Variants in PTPN21 observed in about 807,000 individuals in gnomAD.
PTPN21 encodes the protein protein tyrosine phosphatase non-receptor type 21, also known as tyrosine-protein phosphatase non-receptor type 21.
A neutral mutation model predicts 131.8 loss-of-function variants in PTPN21; 77 were observed. The observed-to-expected ratio is 0.58, with a 90% CI of 0.49 to 0.71. PTPN21 has a LOEUF of 0.71. Among genes scored for constraint, PTPN21 ranks in the 30% least tolerant of loss-of-function variants. The probability of loss-of-function intolerance (pLI) is 0.00; values close to 1 mark genes in which losing one functional copy is unlikely to be tolerated. For missense variants in PTPN21, 1,552 were observed against 1,527.1 expected (o/e 1.02, Z -0.27); for synonymous variants, 715 against 621.3 (o/e 1.15, Z -2.24).
In PTPN21 at chr14:88,495,013, CAAAAAA is replaced by C. The variant is rs386382090; in HGVS notation, c.932+1394_932+1399del. ...GGGTGACAGAGCGAGACTCTGTCTC[CAAAAAA>C]AAAAAAAAAAAAAAAAAAAAGAAGA... On this transcript the variant is annotated intron_variant, in intron 10 of 18. Transcript: ENST00000556564. Among the ~76,000 whole-genome samples the C allele has an allele frequency of 1.1e-3, 56 of 49,184 alleles. No individual in the cohort carries two copies. The South Asian group carries it at 0.018, about 16-fold the overall frequency. The allele number at this position is 49,184 out of a possible 152,430, so 32.3% of individuals were successfully genotyped here. A position where few individuals can be genotyped will look rare whatever the true frequency, so the allele number is the denominator to read the frequency against.
At chr14:88,523,067 GA>G (rs1421283332) in intron 2 of PTPN21, among the ~76,000 whole-genome samples, 1 of 151,852 alleles carries the variant, frequency 6.6e-6, no homozygotes, top group Non-Finnish European at 1.5e-5. Flanking sequence ...GAAAATCAAG[GA>G]AAAGGAGAGA....
At chr14:88,538,597 T>C (rs1401236576) in intron 2 of PTPN21, among the ~76,000 whole-genome samples, 3 of 152,180 alleles carry the variant, frequency 2.0e-5, no homozygotes, top group African/African-American at 4.8e-5. Flanking sequence ...AATTAAATGA[T>C]AACAAATATC....
intron 2 of PTPN21, among the ~76,000 whole-genome samples, chr14:88,544,413 G>C (rs2078747037): frequency 6.6e-6 from 1 of 152,048 alleles, no homozygotes; most frequent in African/African-American, 2.4e-5. Flanking sequence ...ACAGGGGATA[G>C]GAGTCACTAA....
At chr14:88,534,348 A>AC (rs973602827) in intron 2 of PTPN21, among the ~76,000 whole-genome samples, 1 of 151,738 alleles carries the variant, frequency 6.6e-6, no homozygotes, top group African/African-American at 2.4e-5. Flanking sequence ...ACGCAACTGT[A>AC]CCCCAGCCTG....
intron 2 of PTPN21, among the ~76,000 whole-genome samples, chr14:88,549,438 T>G (rs1010766411): frequency 2.0e-5 from 3 of 152,126 alleles, no homozygotes; most frequent in Non-Finnish European, 4.4e-5. Flanking sequence ...TTAGTTCTTA[T>G]AGGGCACCCC....
At chr14:88,526,596 A>G (rs1340260609) in intron 2 of PTPN21, among the ~76,000 whole-genome samples, 2 of 148,272 alleles carry the variant, frequency 1.3e-5, no homozygotes, top group African/African-American at 5.0e-5. Context: ...ACATTATGTG[A>G]ATTTCATCTC....
chr14:88,503,574 C>G (rs2078045020), intron 6 of PTPN21, among the ~76,000 whole-genome samples: 1 of 152,060 alleles, frequency 6.6e-6, no homozygotes, highest in South Asian at 2.1e-4. Context: ...GTACAGTATT[C>G]AACAAATTAT....
intron 12 of PTPN21, among the ~76,000 whole-genome samples, chr14:88,484,187 G>A (rs2077696678): frequency 6.6e-6 from 1 of 150,696 alleles, no homozygotes; most frequent in African/African-American, 2.5e-5. Context: ...AGCTGGGACT[G>A]GAGGTGCATA....
intron 2 of PTPN21, among the ~76,000 whole-genome samples, chr14:88,550,005 C>G (rs1006221127): frequency 5.3e-5 from 8 of 152,196 alleles, no homozygotes; most frequent in African/African-American, 1.9e-4. Flanking sequence ...AGGCTGGTCT[C>G]GAACTCCTGA....
Position 88,468,264 on chromosome 14 carries a change from A to G in PTPN21, c.3398T>C (p.Val1133Ala), listed in dbSNP as rs1472172873. ...IMIACLEHNE[V>A]LDIPRVLDML... ...GTCCAGCACTCTCGGGATGTCCAGCACCTAGGTTGAGAGAAACGGTAATGA... is the reference window on the plus strand; with the variant it reads ...GTCCAGCACTCTCGGGATGTCCAGCGCCTAGGTTGAGAGAAACGGTAATGA... The change falls in exon 19 of 19, where the codon GTG (valine) becomes GCG (alanine). Residue 1133 changes from valine to alanine, a missense_variant and splice_region_variant. Val to Ala is a moderately conservative substitution (Grantham distance 64). Transcript: ENST00000556564. The G allele has an allele frequency of 1.3e-6, 2 of 1,595,580 alleles. No homozygotes were observed. The highest frequency in any genetic ancestry group is 1.7e-6 in the Non-Finnish European group (2 of 1,172,268).
chr14:88,526,133 G>T (rs2078471057), intron 2 of PTPN21, among the ~76,000 whole-genome samples: 1 of 151,954 alleles, frequency 6.6e-6, no homozygotes. Context: ...GGTTGCTAGG[G>T]GCAGGGAAGA....
chr14:88,520,324 T>C (rs564338595), intron 2 of PTPN21, among the ~76,000 whole-genome samples: 1 of 152,042 alleles, frequency 6.6e-6, no homozygotes, highest in South Asian at 2.1e-4. Context: ...GGCTGATCAC[T>C]TGAACCCAGG....
intron 2 of PTPN21, 133 bp downstream of exon 2, chr14:88,550,105 G>T: frequency 2.2e-6 from 2 of 895,008 alleles, no homozygotes; most frequent in East Asian, 5.1e-5. Flanking sequence ...GTAGAGACAG[G>T]GTTTCACCAT....
intron 9 of PTPN21, among the ~76,000 whole-genome samples, chr14:88,496,927 C>T (rs1468514440): frequency 6.6e-6 from 1 of 152,200 alleles, no homozygotes; most frequent in African/African-American, 2.4e-5. Context: ...TCAGTGCTTA[C>T]TTTCTCCCCC....
intron 1 of PTPN21, among the ~76,000 whole-genome samples, chr14:88,553,864 C>G (rs2078894300): frequency 6.6e-6 from 1 of 152,034 alleles, no homozygotes; most frequent in South Asian, 2.1e-4. Context: ...AAAATAAGCA[C>G]TAAAAGGAGA....
Position 88,539,212 on chromosome 14 carries a change from T to C in PTPN21, c.180+11026A>G, listed in dbSNP as rs79785063. ...AATTCTCCTGCCTCAGCTTCCCGAGTAGCTGAGATTACAGGCGACTGCCAC... is the reference window on the plus strand; with the variant it reads ...AATTCTCCTGCCTCAGCTTCCCGAGCAGCTGAGATTACAGGCGACTGCCAC... On this transcript the variant is annotated intron_variant, in intron 2 of 18. Transcript: ENST00000556564. 0.018 allele frequency among the ~76,000 whole-genome samples: 2,749 copies of C among 151,424 alleles called. 170 individuals are homozygous for C. In the East Asian group the frequency reaches 0.24, roughly 13 times the overall value.
rs2078851283 is a variant in PTPN21 at position 88,550,577 on chromosome 14, C to G, written c.-160G>C. The G allele has an allele frequency of 1.4e-6, 1 of 700,138 alleles. No individual in the cohort carries two copies. The highest frequency in any genetic ancestry group is 1.8e-5 in the African/African-American group (1 of 55,594). The allele number at this position is 700,138 out of a possible 1,614,324, so 43.4% of individuals were successfully genotyped here. A position where few individuals can be genotyped will look rare whatever the true frequency, so the allele number is the denominator to read the frequency against. ...AGCCGCTGCCGCCATTAAAAAGCAA[C>G]GGAGTCTCCAATGGCCCGAGGAAGG... is the stretch of plus-strand genomic sequence containing the variant. On this transcript the variant is annotated 5_prime_UTR_variant, in exon 2 of 19. Coordinates refer to ENST00000556564, the MANE Select transcript of PTPN21 (RefSeq NM_007039.4).
chr14:88,483,285 G>C (rs1298207939), intron 12 of PTPN21, among the ~76,000 whole-genome samples: 1 of 151,658 alleles, frequency 6.6e-6, no homozygotes, highest in Non-Finnish European at 1.5e-5. Flanking sequence ...GGAGGAGAAT[G>C]AACAATATTA....
intron 8 of PTPN21, among the ~76,000 whole-genome samples, chr14:88,498,484 T>A (rs1388246153): frequency 6.6e-6 from 1 of 152,202 alleles, no homozygotes; most frequent in Non-Finnish European, 1.5e-5. Context: ...TGATTGCCAA[T>A]GCCCCATTTA....
Sources: allele counts gnomAD v4.1 joint callset (sites outside exome capture counted in the v4.1 genomes callset), GRCh38; gene constraint gnomAD v4.1.1; transcripts MANE v1.5; gene names NCBI Gene and HGNC (gene_info 2026-07-23, HGNC 2026-07-21).